The following TANC2 variants were observed in gnomAD, a reference collection of about 807,000 sequenced individuals.
TANC2 encodes protein TANC2.
A neutral mutation model predicts 210.5 loss-of-function variants in TANC2; 26 were observed. The observed-to-expected ratio is 0.12, with a 90% CI of 0.09 to 0.17. The LOEUF (loss-of-function observed/expected upper bound fraction) is 0.17. TANC2 is among the 10% of genes least tolerant of loss of function. The pLI, the probability that TANC2 is intolerant of heterozygous loss-of-function variation, is 1.00. For synonymous variants in TANC2, 931 were observed against 967.1 expected, an observed-to-expected ratio of 0.96 and a Z score of 0.69; for missense variants, 2,129 against 2,608.9, an observed-to-expected ratio of 0.82 and a Z score of 4.01.
At chr17:63,182,327 A>C (rs1275340817) in intron 5 of TANC2, 1 of 213,212 alleles carries the variant, frequency 4.7e-6, no homozygotes, top group East Asian at 1.1e-4. Context: ...CAAGTAGCTG[A>C]AGCATATGAG....
intron 2 of TANC2, among the ~76,000 whole-genome samples, chr17:63,052,968 G>A (rs2035635076): frequency 6.6e-6 from 1 of 152,200 alleles, no homozygotes; most frequent in Non-Finnish European, 1.5e-5. Flanking sequence ...CTCCGGCTGT[G>A]CAAAAATAGG....
At chr17:63,183,987 A>C (rs1424086049) in intron 5 of TANC2, among the ~76,000 whole-genome samples, 1 of 151,926 alleles carries the variant, frequency 6.6e-6, no homozygotes, top group Admixed American at 6.6e-5. Flanking sequence ...ACTGCACTCC[A>C]ACCTGGGCGA....
intron 4 of TANC2, among the ~76,000 whole-genome samples, chr17:63,106,933 A>G (rs1409773251): frequency 6.6e-6 from 1 of 151,580 alleles, no homozygotes; most frequent in African/African-American, 2.4e-5. Flanking sequence ...TACTGTATGT[A>G]TTCTTTTGAA....
intron 5 of TANC2, among the ~76,000 whole-genome samples, chr17:63,174,275 C>G (rs990290126): frequency 6.6e-6 from 1 of 152,170 alleles, no homozygotes; most frequent in East Asian, 1.9e-4. Flanking sequence ...AGTTTTACAG[C>G]TCTTTTGTTA....
At chr17:63,253,486 T>C (rs2043107263) in intron 8 of TANC2, among the ~76,000 whole-genome samples, 1 of 152,174 alleles carries the variant, frequency 6.6e-6, no homozygotes, top group African/African-American at 2.4e-5. Context: ...TGCCTGCCCT[T>C]TTAGGGTATT....
chr17:63,000,427 A>G (rs1359103689), intron 1 of TANC2, among the ~76,000 whole-genome samples: 2 of 152,198 alleles, frequency 1.3e-5, no homozygotes, highest in Non-Finnish European at 2.9e-5. Context: ...AACATTGAAA[A>G]TGAAAATTGA....
chr17:63,317,895 G>A (rs1347017650), intron 10 of TANC2, among the ~76,000 whole-genome samples: 2 of 152,226 alleles, frequency 1.3e-5, no homozygotes, highest in Non-Finnish European at 2.9e-5. Context: ...ACCAGATAAA[G>A]GGGAATAGAG....
rs776128365 is a variant in TANC2 at position 63,004,490 on chromosome 17, T to C, written c.-23-5047T>C. Among the ~76,000 whole-genome samples the C allele has an allele frequency of 4.3e-4, 66 of 151,860 alleles. 4 individuals are homozygous for C. The highest frequency in any genetic ancestry group is 7.4e-5 in the Non-Finnish European group (5 of 67,978). Reference sequence around the variant, plus strand: ...TCTTAAAACTAGAAGGGAAAAGGTGTTTTCCTTACATCAATCCAGCTTTGG... The same window carrying C: ...TCTTAAAACTAGAAGGGAAAAGGTGCTTTCCTTACATCAATCCAGCTTTGG... On this transcript the variant is annotated intron_variant, in intron 1 of 27. Coordinates refer to ENST00000689528, the Ensembl canonical transcript of TANC2.
chr17:63,381,707 A>G (rs908274559), intron 15 of TANC2, among the ~76,000 whole-genome samples: 1 of 152,188 alleles, frequency 6.6e-6, no homozygotes, highest in Non-Finnish European at 1.5e-5. Context: ...CATGATCTTC[A>G]GATACCTGAG....
At chr17:63,020,071 C>T (rs1403160492) in intron 2 of TANC2, among the ~76,000 whole-genome samples, 1 of 152,156 alleles carries the variant, frequency 6.6e-6, no homozygotes, top group Non-Finnish European at 1.5e-5. Flanking sequence ...GGATTACAGG[C>T]ATGTGCCGCC....
chr17:63,359,980 C>A (rs981110466), intron 14 of TANC2, among the ~76,000 whole-genome samples: 1 of 152,152 alleles, frequency 6.6e-6, no homozygotes, highest in Admixed American at 6.5e-5. Context: ...AAGTGAATTA[C>A]ACGTTGGAGA....
At chr17:63,170,041 C>T (rs2040348778) in intron 5 of TANC2, among the ~76,000 whole-genome samples, 1 of 151,058 alleles carries the variant, frequency 6.6e-6, no homozygotes, top group African/African-American at 2.4e-5. Context: ...ATGGCGTGAA[C>T]CCAGGAGGCG....
At chr17:63,065,697 C>T (rs569840238) in intron 2 of TANC2, among the ~76,000 whole-genome samples, 4 of 152,220 alleles carry the variant, frequency 2.6e-5, no homozygotes, top group Admixed American at 2.0e-4. Context: ...TATATGTCTT[C>T]TTTAGAGAAA....
At chr17:63,100,459 G>A (rs2037579877) in intron 4 of TANC2, among the ~76,000 whole-genome samples, 1 of 152,078 alleles carries the variant, frequency 6.6e-6, no homozygotes, top group South Asian at 2.1e-4. Context: ...TAAAAAAATA[G>A]GTAAAATAGC....
chr17:63,258,353 A>G (rs2043259654), intron 8 of TANC2, among the ~76,000 whole-genome samples: 1 of 152,060 alleles, frequency 6.6e-6, no homozygotes, highest in South Asian at 2.1e-4. Flanking sequence ...TTGGTGTTCT[A>G]TTAGCTTCTT....
intron 7 of TANC2, among the ~76,000 whole-genome samples, chr17:63,211,365 C>T (rs1379000038): frequency 6.6e-6 from 1 of 152,078 alleles, no homozygotes; most frequent in Non-Finnish European, 1.5e-5. Context: ...CCTTCTCTCC[C>T]ACTTCTTTTT....
chr17:62,972,834 G>A (rs565732569), intron 1 of TANC2, among the ~76,000 whole-genome samples: 57 of 152,178 alleles, frequency 3.7e-4, no homozygotes, highest in Middle Eastern at 3.4e-3. Flanking sequence ...ACCTTTTCAT[G>A]CCTTTATGAA....
intron 9 of TANC2, 98 bp downstream of exon 9, chr17:63,267,971 A>C: frequency 7.4e-7 from 1 of 1,348,556 alleles, no homozygotes; most frequent in East Asian, 2.5e-5. Flanking sequence ...ACTTACTTAA[A>C]CCTCCCTAAG....
At chr17:63,388,457 C>A (rs1468629390) in intron 15 of TANC2, among the ~76,000 whole-genome samples, 178 bp from the exon 16 acceptor site, 3 of 152,162 alleles carry the variant, frequency 2.0e-5, no homozygotes, top group Non-Finnish European at 2.9e-5. Flanking sequence ...TTTCAGTTAG[C>A]TTGTTCCTGC....
Sources: allele counts gnomAD v4.1 joint callset (sites outside exome capture counted in the v4.1 genomes callset), GRCh38; gene constraint gnomAD v4.1.1; transcripts MANE v1.5; gene names NCBI Gene and HGNC (gene_info 2026-07-23, HGNC 2026-07-21).